The following IL12RB2 variants were observed in gnomAD, a reference collection of about 807,000 sequenced individuals.
IL12RB2 encodes interleukin 12 receptor subunit beta 2.
A neutral mutation model predicts 89.4 loss-of-function variants in IL12RB2; 82 were observed. That is an observed-to-expected ratio of 0.92 (90% CI 0.77 to 1.10). IL12RB2 has a LOEUF of 1.10. IL12RB2 is among the 50% of genes least tolerant of loss of function. The pLI is 0.00. For synonymous variants in IL12RB2, 368 were observed against 370.1 expected (o/e 0.99, Z 0.07); for missense variants, 963 against 1,031.9 (o/e 0.93, Z 0.92).
rs1055562032 is a variant in IL12RB2 at position 67,395,872 on chromosome 1, C to G, written c.2372C>G (p.Ala791Gly). Residue 791 changes from alanine to glycine, a missense_variant, in exon 17 of 17, where the codon GCA (alanine) becomes GGA (glycine). Physicochemically the swap from Ala to Gly is moderately conservative, Grantham distance 60. Transcript: ENST00000674203. ...GCCTGTCCCTGGACGGTGCTCCCAG[C>G]AGGTGACCTTCCCACCCATGATGGC... ...NPACPWTVLP[A>G]GDLPTHDGYL... 3.1e-6 allele frequency: 5 copies of G among 1,608,280 alleles called. No homozygotes were observed. Among genetic ancestry groups the G allele is most frequent in the Non-Finnish European group, 2.6e-6 (3 of 1,175,478 alleles).
intron 9 of IL12RB2, among the ~76,000 whole-genome samples, chr1:67,341,577 A>AAGAAAGAAAG (rs1553314472): frequency 1.4e-5 from 2 of 146,560 alleles, no homozygotes; most frequent in African/African-American, 5.0e-5. Flanking sequence ...GAAAGAAAGA[A>AAGAAAGAAAG]AGAAAGAAAA....
intron 14 of IL12RB2, among the ~76,000 whole-genome samples, chr1:67,386,081 C>T (rs554337225): frequency 8.6e-5 from 13 of 151,940 alleles, no homozygotes; most frequent in East Asian, 1.9e-4. Context: ...TGGTGGCACA[C>T]GCCTGTAGTC....
Position 67,398,575 on chromosome 1 carries a change from G to T in IL12RB2, c.*2486G>T, listed in dbSNP as rs1392078998. Among the ~76,000 whole-genome samples, 1 of 151,444 alleles carries T rather than the reference G, an allele frequency of 6.6e-6. No individual in the cohort carries two copies. Among genetic ancestry groups the T allele is most frequent in the Non-Finnish European group, 1.5e-5 (1 of 67,926 alleles). On this transcript the variant is annotated 3_prime_UTR_variant, in exon 17 of 17. Coordinates refer to ENST00000674203, the MANE Select transcript of IL12RB2 (RefSeq NM_001374259.2). ...CCTAAAGACTCCTAAGGATGCTGAG[G>T]CCTCCTCAGCATGATTTCCATATAC...
intron 10 of IL12RB2, among the ~76,000 whole-genome samples, chr1:67,351,613 A>G (rs1660855610): frequency 6.6e-6 from 1 of 152,230 alleles, no homozygotes; most frequent in South Asian, 2.1e-4. Context: ...TCTGGGCCTC[A>G]CAGTGAGACC....
At chr1:67,324,911 T>C (rs140176167) in intron 4 of IL12RB2, among the ~76,000 whole-genome samples, 376 of 152,336 alleles carry the variant, frequency 2.5e-3, no homozygotes, top group African/African-American at 8.7e-3. Context: ...GTTTCCAGTC[T>C]ATATGTCTTA....
intron 9 of IL12RB2, among the ~76,000 whole-genome samples, chr1:67,341,447 G>A (rs1212804652): frequency 7.3e-6 from 1 of 137,474 alleles, no homozygotes; most frequent in Non-Finnish European, 1.6e-5. Flanking sequence ...AGGAAGGATG[G>A]AAGAGAGGGA....
chr1:67,387,190 AAAGT>A (rs1665292178), intron 15 of IL12RB2, among the ~76,000 whole-genome samples: 1 of 151,156 alleles, frequency 6.6e-6, no homozygotes, highest in Non-Finnish European at 1.5e-5. Context: ...TCAGCCTCCC[AAAGT>A]GCTGGGATTA....
At chr1:67,378,180 T>C (rs755097521) in intron 13 of IL12RB2, among the ~76,000 whole-genome samples, 2 of 152,182 alleles carry the variant, frequency 1.3e-5, no homozygotes, top group Non-Finnish European at 2.9e-5. Context: ...ATTTTGTTTT[T>C]AGTTGACACA....
intron 13 of IL12RB2, among the ~76,000 whole-genome samples, chr1:67,374,451 T>C (rs1329067888): frequency 6.6e-6 from 1 of 152,092 alleles, no homozygotes; most frequent in Non-Finnish European, 1.5e-5. Context: ...GAGATACCTG[T>C]TTGCAACCAC....
At chr1:67,364,585 A>T (rs937543187) in intron 10 of IL12RB2, among the ~76,000 whole-genome samples, 2 of 152,350 alleles carry the variant, frequency 1.3e-5, no homozygotes, top group Admixed American at 6.5e-5. Context: ...ATCTATTCTC[A>T]AAGAAAACAT....
At chr1:67,313,081 T>C (rs1464018731) in intron 1 of IL12RB2, among the ~76,000 whole-genome samples, 1 of 152,272 alleles carries the variant, frequency 6.6e-6, no homozygotes, top group African/African-American at 2.4e-5. Context: ...GTTACATTCT[T>C]TCACCAAATG....
chr1:67,367,998 C>A lies in IL12RB2; in HGVS notation c.1432C>A (p.Pro478Thr), dbSNP rs1448168235. The A allele has an allele frequency of 3.1e-6, 5 of 1,605,746 alleles. No individual in the cohort carries two copies. Among genetic ancestry groups the A allele is most frequent in the Non-Finnish European group, 3.4e-6 (4 of 1,172,360 alleles). Residue 478 changes from proline to threonine, a missense_variant, in exon 11 of 17, where the codon CCC becomes ACC. Physicochemically the swap from Pro to Thr is conservative, Grantham distance 38. Coordinates refer to ENST00000674203, the MANE Select transcript of IL12RB2 (RefSeq NM_001374259.2). ...CCCTCTAAACTGGCTACGGAGTCGA[C>A]CCTACAATGTGTCTGCTCTGATTTC... ...QVPLNWLRSR[P>T]YNVSALISEN...
intron 9 of IL12RB2, among the ~76,000 whole-genome samples, chr1:67,341,255 C>T (rs1323071422): frequency 6.6e-6 from 1 of 151,942 alleles, no homozygotes; most frequent in Non-Finnish European, 1.5e-5. Context: ...CTGTCTCTAC[C>T]AAAATACAAA....
At chr1:67,325,800 T>C (rs1657204447) in intron 4 of IL12RB2, among the ~76,000 whole-genome samples, 1 of 152,218 alleles carries the variant, frequency 6.6e-6, no homozygotes, top group South Asian at 2.1e-4. Flanking sequence ...TCATTTTATC[T>C]AACCTAAAGG....
chr1:67,316,963 CTT>C, intron 2 of IL12RB2, among the ~76,000 whole-genome samples: 1 of 152,284 alleles, frequency 6.6e-6, no homozygotes, highest in Admixed American at 6.5e-5. Flanking sequence ...TCCCTTCTGT[CTT>C]GTTCTTTACC....
intron 9 of IL12RB2, among the ~76,000 whole-genome samples, chr1:67,346,145 C>G (rs769799007): frequency 2.6e-5 from 4 of 152,188 alleles, no homozygotes; most frequent in Non-Finnish European, 4.4e-5. Flanking sequence ...AGCTTCACTA[C>G]TTATTGGCTG....
intron 2 of IL12RB2, among the ~76,000 whole-genome samples, chr1:67,319,450 A>G (rs1299361582): frequency 6.6e-6 from 1 of 152,228 alleles, no homozygotes; most frequent in East Asian, 1.9e-4. Flanking sequence ...CAAAACCCAA[A>G]CAACCCTTGG....
Position 67,350,903 on chromosome 1 carries a change from C to A in IL12RB2, c.1072C>A (p.Leu358Ile), listed in dbSNP as rs1409421640. 6.2e-7 allele frequency: 1 copy of A among 1,614,070 alleles called. No homozygotes were observed. The highest frequency in any genetic ancestry group is 1.1e-5 in the South Asian group (1 of 91,080). Residue 358 changes from leucine (L) to isoleucine (I), a missense_variant, in exon 10 of 17, where the codon CTC becomes ATC. Physicochemically the swap from Leu to Ile is conservative, Grantham distance 5. Coordinates refer to ENST00000674203, the MANE Select transcript of IL12RB2 (RefSeq NM_001374259.2). ...TGTCTCAGAGGCAAGAGGAAAAATT[C>A]TCCACTATCAGGTGACCTTGCAGGA... ...LSVSEARGKI[L>I]HYQVTLQELT...
rs1666369506 is a variant in IL12RB2, at chr1:67,396,375, G to A, written c.*286G>A. On this transcript the variant is annotated 3_prime_UTR_variant, in exon 17 of 17. Coordinates refer to ENST00000674203, the MANE Select transcript of IL12RB2 (RefSeq NM_001374259.2). ...AGTAACTTTCTTGGTATGCTGGCCA[G>A]AAAGGGAAATGAGGAGGAGAGTAGA... 1 of 523,568 alleles carries A rather than the reference G, an allele frequency of 1.9e-6. No homozygotes were observed. The highest frequency in any genetic ancestry group is 3.4e-5 in the East Asian group (1 of 29,050). The allele number at this position is 523,568 out of a possible 1,614,324, so 32.4% of individuals were successfully genotyped here. A position where few individuals can be genotyped will look rare whatever the true frequency, so the allele number is the denominator to read the frequency against.
Sources: allele counts gnomAD v4.1 joint callset (sites outside exome capture counted in the v4.1 genomes callset), GRCh38; gene constraint gnomAD v4.1.1; transcripts MANE v1.5; gene names NCBI Gene and HGNC (gene_info 2026-07-23, HGNC 2026-07-21).